DCHS2: variants seen among roughly 807,000 people sequenced by gnomAD.
DCHS2 encodes protocadherin-23.
In DCHS2, 142 loss-of-function variants were observed where a neutral mutation model predicts 182.4. The observed-to-expected ratio is 0.78, with a 90% CI of 0.68 to 0.89. DCHS2 has a LOEUF of 0.89. Among genes scored for constraint, DCHS2 ranks in the 40% least tolerant of loss-of-function variants. DCHS2 has a pLI of 0.00. For missense variants in DCHS2, 4,319 were observed against 4,198.6 expected, an observed-to-expected ratio of 1.03 and a Z score of -0.79; for synonymous variants, 1,740 against 1,663.3, an observed-to-expected ratio of 1.05 and a Z score of -1.12.
At chr4:154,287,267 T>C (rs1052690439) in intron 13 of DCHS2, among the ~76,000 whole-genome samples, 1 of 152,070 alleles carries the variant, frequency 6.6e-6, no homozygotes, top group Non-Finnish European at 1.5e-5. Context: ...CATCTTAAGG[T>C]ACAAAACTCA....
At chr4:154,260,084 A>G (rs946458774) in intron 14 of DCHS2, among the ~76,000 whole-genome samples, 2 of 152,176 alleles carry the variant, frequency 1.3e-5, no homozygotes, top group Non-Finnish European at 2.9e-5. Context: ...GGCCTCTGAA[A>G]GTGCTCGGAT....
At chr4:154,402,335 C>T (rs1732222164) in intron 1 of DCHS2, among the ~76,000 whole-genome samples, 1 of 152,026 alleles carries the variant, frequency 6.6e-6, no homozygotes, top group South Asian at 2.1e-4. Context: ...CTCCCAACCC[C>T]CAAATGTTTG....
chr4:154,297,876 C>A lies in DCHS2; in HGVS notation c.6438G>T (p.Gly2146=). Residue 2146 remains glycine, a synonymous_variant, in exon 13 of 20, where the codon GGG becomes GGT. Transcript: ENST00000357232. ...KISFSHHLYK[G]LVTENCEAGT... Reference sequence around the variant, plus strand: ...CTGCCTCACAATTTTCAGTCACGAGCCCTTTATACAGGTGGTGGCTGAAGG... The same window carrying A: ...CTGCCTCACAATTTTCAGTCACGAGACCTTTATACAGGTGGTGGCTGAAGG... 6.2e-6 allele frequency: 10 copies of A among 1,612,296 alleles called. No homozygotes were observed. Among genetic ancestry groups the A allele is most frequent in the Non-Finnish European group, 8.5e-6 (10 of 1,179,034 alleles).
At position 154,298,191 on chromosome 4, in the gene DCHS2, G is replaced by A. The variant is rs1328861670; in HGVS notation, c.6123C>T (p.Asn2041=). ...CGGGGGAAAGAAACACATCAAAAGG[G>A]TTCTGTTCCAAAACTGGATCATTGT... is the stretch of plus-strand genomic sequence containing the variant. ...VNDNDPVLEQ[N]PFDVFLSPES... is the part of the protein sequence containing the mutation. Residue 2041 remains asparagine (N), a synonymous_variant, in exon 13 of 20, where the codon AAC becomes AAT. Transcript: ENST00000357232. The A allele has an allele frequency of 5.0e-6, 8 of 1,613,960 alleles. No homozygotes were observed. Among genetic ancestry groups the A allele is most frequent in the Non-Finnish European group, 6.8e-6 (8 of 1,180,008 alleles).
intron 6 of DCHS2, among the ~76,000 whole-genome samples, chr4:154,328,928 C>A (rs1736400874): frequency 6.6e-6 from 1 of 151,946 alleles, no homozygotes; most frequent in Admixed American, 6.6e-5. Context: ...AACCCATCCA[C>A]TAAAAAAATT....
intron 1 of DCHS2, among the ~76,000 whole-genome samples, chr4:154,422,277 T>C (rs1733143757): frequency 6.6e-6 from 1 of 152,202 alleles, no homozygotes; most frequent in Non-Finnish European, 1.5e-5. Context: ...AGCACATTCA[T>C]CTGAGCTGTA....
At position 154,255,529 on chromosome 4, in the gene DCHS2, T is replaced by C; in HGVS notation, c.6931A>G (p.Ser2311Gly). 6.2e-7 allele frequency: 1 copy of C among 1,613,506 alleles called. No individual in the cohort carries two copies. Among genetic ancestry groups the C allele is most frequent in the South Asian group, 1.1e-5 (1 of 90,908 alleles). The change falls in exon 16 of 20, where the codon AGC becomes GGC. Residue 2311 changes from serine to glycine, a missense_variant. Coordinates refer to ENST00000357232, the MANE Select transcript of DCHS2 (RefSeq NM_001358235.2). ...GAACCCTGGACCAACCTGTAGGAGC[T>C]GGTGAGCTCGTAATCTAGAATCGCT... ...TKAILDYELT[S>G]SYSLIVQATD...
At chr4:154,470,502 T>A (rs1026680619) in intron 1 of DCHS2, among the ~76,000 whole-genome samples, 7 of 122,482 alleles carry the variant, frequency 5.7e-5, no homozygotes, top group Admixed American at 2.4e-4. Flanking sequence ...AAAAAAAAAA[T>A]GTCAAACAGC....
intron 1 of DCHS2, among the ~76,000 whole-genome samples, chr4:154,478,081 A>T (rs980572587): frequency 6.6e-6 from 1 of 152,208 alleles, no homozygotes; most frequent in African/African-American, 2.4e-5. Context: ...AACTGTTAGC[A>T]TTTACTACTA....
chr4:154,300,772 A>G (rs1275310868), intron 12 of DCHS2, among the ~76,000 whole-genome samples: 4 of 152,144 alleles, frequency 2.6e-5, no homozygotes, highest in Non-Finnish European at 5.9e-5. Context: ...CTACTTGCGC[A>G]ACAAGGGGTA....
At chr4:154,451,785 T>A (rs528429492) in intron 1 of DCHS2, among the ~76,000 whole-genome samples, 4 of 152,310 alleles carry the variant, frequency 2.6e-5, no homozygotes, top group East Asian at 3.9e-4. Context: ...TCTATACTGA[T>A]AAATGGGATG....
At chr4:154,399,254 C>T (rs994255953) in intron 1 of DCHS2, among the ~76,000 whole-genome samples, 1 of 152,182 alleles carries the variant, frequency 6.6e-6, no homozygotes, top group East Asian at 1.9e-4. Context: ...TTTACCTACC[C>T]ACCCTCTCCC....
At chr4:154,263,108 C>G (rs566604712) in intron 14 of DCHS2, among the ~76,000 whole-genome samples, 57 of 152,180 alleles carry the variant, frequency 3.7e-4, no homozygotes, top group African/African-American at 1.2e-3. Context: ...TCTTAAGTTA[C>G]TATAATCTTA....
chr4:154,489,427 G>C lies in DCHS2; in HGVS notation c.1929C>G (p.Leu643=), dbSNP rs867086402. The C allele has an allele frequency of 1.9e-6, 3 of 1,551,668 alleles. No individual in the cohort carries two copies. Among genetic ancestry groups the C allele is most frequent in the African/African-American group, 1.4e-5 (1 of 73,082 alleles). ...VVAQDLGEPP[L]SATCLVSITV... ...TGATGCTCACCAGGCAGGTGGCAGA[G>C]AGTGGGGGCTCTCCGAGGTCCTGGG... The change falls in exon 1 of 20, where the codon CTC becomes CTG. Residue 643 remains leucine (L), a synonymous_variant. Transcript: ENST00000357232.
At chr4:154,470,781 G>A (rs1006044117) in intron 1 of DCHS2, among the ~76,000 whole-genome samples, 1 of 152,124 alleles carries the variant, frequency 6.6e-6, no homozygotes, top group Non-Finnish European at 1.5e-5. Context: ...CCCAAAGAAA[G>A]AATTCATGAA....
intron 1 of DCHS2, among the ~76,000 whole-genome samples, chr4:154,394,100 G>A (rs116454839): frequency 0.011 from 1,674 of 152,076 alleles, 25 homozygotes; most frequent in African/African-American, 0.036. Flanking sequence ...GGTGTGGAGC[G>A]GAAGGCTAGG....
At chr4:154,306,874 C>T (rs1735459571) in intron 10 of DCHS2, among the ~76,000 whole-genome samples, 2 of 152,082 alleles carry the variant, frequency 1.3e-5, no homozygotes, top group African/African-American at 4.8e-5. Flanking sequence ...TCTGCTGTCC[C>T]TTCCCATTAT....
chr4:154,396,932 A>G (rs971800092), intron 1 of DCHS2, among the ~76,000 whole-genome samples: 1 of 152,140 alleles, frequency 6.6e-6, no homozygotes, highest in African/African-American at 2.4e-5. Flanking sequence ...ATTTACTTAT[A>G]TATCCTAAAC....
chr4:154,328,758 T>G (rs1406562931), intron 6 of DCHS2, among the ~76,000 whole-genome samples: 1 of 152,230 alleles, frequency 6.6e-6, no homozygotes, highest in African/African-American at 2.4e-5. Context: ...AATAATATTT[T>G]GCTTTGTTAG....
Sources: allele counts gnomAD v4.1 joint callset (sites outside exome capture counted in the v4.1 genomes callset), GRCh38; gene constraint gnomAD v4.1.1; transcripts MANE v1.5; gene names NCBI Gene and HGNC (gene_info 2026-07-23, HGNC 2026-07-21).